The following TAFA1 variants were observed in gnomAD, a reference collection of about 807,000 sequenced individuals.
TAFA1 encodes the protein chemokine-like protein TAFA-1.
In TAFA1, 4 loss-of-function variants were observed where a neutral mutation model predicts 18.5. That is an observed-to-expected ratio of 0.22 (90% CI 0.11 to 0.49). The LOEUF (loss-of-function observed/expected upper bound fraction) is 0.49. TAFA1 is among the 20% of genes least tolerant of loss of function. The pLI is 0.98. For missense variants in TAFA1, 147 were observed against 169.0 expected (o/e 0.87, Z 0.72); for synonymous variants, 56 against 55.2 (o/e 1.01, Z -0.06).
chr3:68,392,039 G>T (rs1449134041), intron 2 of TAFA1, among the ~76,000 whole-genome samples: 1 of 152,070 alleles, frequency 6.6e-6, no homozygotes, highest in Admixed American at 6.6e-5. Context: ...TGGGTTAAAT[G>T]CCCCAATTAA....
chr3:68,023,163 A>G (rs1330052341), intron 2 of TAFA1, among the ~76,000 whole-genome samples: 1 of 152,000 alleles, frequency 6.6e-6, no homozygotes, highest in Admixed American at 6.6e-5. Context: ...TTTGTGATGG[A>G]CAGCGTTAAG....
chr3:68,417,462 T>A (rs1474677971), intron 3 of TAFA1, 42 bp downstream of exon 3: 3 of 1,585,892 alleles, frequency 1.9e-6, no homozygotes. Flanking sequence ...CACATGGCAT[T>A]CACTATACAT....
At chr3:68,387,798 G>T (rs931165011) in intron 2 of TAFA1, among the ~76,000 whole-genome samples, 25 of 152,242 alleles carry the variant, frequency 1.6e-4, no homozygotes, top group African/African-American at 5.5e-4. Context: ...CCCCTTCATG[G>T]TGGAGGAACT....
intron 2 of TAFA1, among the ~76,000 whole-genome samples, chr3:68,300,295 G>A (rs1213660899): frequency 1.3e-5 from 2 of 152,152 alleles, no homozygotes; most frequent in Non-Finnish European, 2.9e-5. Context: ...AGATCATTTG[G>A]GGACTTTAAT....
At chr3:68,162,327 TCA>T (rs2065934141) in intron 2 of TAFA1, among the ~76,000 whole-genome samples, 1 of 152,168 alleles carries the variant, frequency 6.6e-6, no homozygotes, top group Non-Finnish European at 1.5e-5. Flanking sequence ...CCACTTCAGA[TCA>T]TCAGGCATTA....
chr3:68,231,058 T>C (rs1292698622), intron 2 of TAFA1, among the ~76,000 whole-genome samples: 1 of 152,190 alleles, frequency 6.6e-6, no homozygotes, highest in East Asian at 1.9e-4. Context: ...ACAATGAAGG[T>C]TTTTATATGT....
At chr3:68,470,126 A>G (rs1386997291) in intron 3 of TAFA1, among the ~76,000 whole-genome samples, 1 of 152,080 alleles carries the variant, frequency 6.6e-6, no homozygotes, top group Non-Finnish European at 1.5e-5. Context: ...ACAAAATATG[A>G]TGGTTTCATA....
chr3:68,250,714 G>A (rs1286548819), intron 2 of TAFA1: 2 of 149,772 alleles, frequency 1.3e-5, no homozygotes, highest in Non-Finnish European at 3.0e-5. Flanking sequence ...TTTAGACAGG[G>A]ATTCCAAGAA....
At chr3:68,082,731 G>C (rs954007028) in intron 2 of TAFA1, among the ~76,000 whole-genome samples, 1 of 152,180 alleles carries the variant, frequency 6.6e-6, no homozygotes, top group African/African-American at 2.4e-5. Flanking sequence ...ACACTATATA[G>C]TGAGGGCCTT....
chr3:68,039,809 C>T (rs576458040), intron 2 of TAFA1, among the ~76,000 whole-genome samples: 60 of 152,248 alleles, frequency 3.9e-4, no homozygotes, highest in Non-Finnish European at 8.1e-4. Flanking sequence ...ACAACTGAGA[C>T]TCAGTTTTGC....
At chr3:68,395,661 A>G (rs2070367708) in intron 2 of TAFA1, among the ~76,000 whole-genome samples, 1 of 152,214 alleles carries the variant, frequency 6.6e-6, no homozygotes, top group Admixed American at 6.5e-5. Context: ...TTGCAGGGAC[A>G]TGGATGAAGC....
chr3:68,006,643 C>T lies in TAFA1; in HGVS notation c.17C>T (p.Ala6Val), dbSNP rs559103211. MAMVSAMSWVLYLWIS... is the reference protein window; with the variant it reads MAMVSVMSWVLYLWIS... ...CTTTAGAGAATGGCAATGGTCTCTG[C>T]GATGTCCTGGGTCCTGTATTTGTGG... is the stretch of plus-strand genomic sequence containing the variant. Residue 6 changes from alanine (A) to valine (V), a missense_variant, in exon 2 of 5, where the codon GCG becomes GTG. By Grantham distance (64) the Ala-to-Val change is moderately conservative. Coordinates refer to ENST00000478136, the MANE Select transcript of TAFA1 (RefSeq NM_213609.4). The T allele has an allele frequency of 3.7e-6, 6 of 1,613,230 alleles. No individual in the cohort carries two copies. The highest frequency in any genetic ancestry group is 2.2e-5 in the East Asian group (1 of 44,876).
intron 2 of TAFA1, among the ~76,000 whole-genome samples, chr3:68,060,847 A>T (rs1468285837): frequency 6.6e-6 from 1 of 152,106 alleles, no homozygotes; most frequent in Non-Finnish European, 1.5e-5. Context: ...CTGGCTTTTG[A>T]TTGCTCTTGT....
At chr3:68,217,656 C>T (rs1403294102) in intron 2 of TAFA1, among the ~76,000 whole-genome samples, 1 of 151,972 alleles carries the variant, frequency 6.6e-6, no homozygotes, top group Admixed American at 6.6e-5. Context: ...GAGGAAACTG[C>T]TGTGTGGGGA....
chr3:68,434,902 C>G (rs528943912), intron 3 of TAFA1, among the ~76,000 whole-genome samples: 1 of 152,110 alleles, frequency 6.6e-6, no homozygotes, highest in Non-Finnish European at 1.5e-5. Context: ...AATGCCAAAT[C>G]AGAAGATTCA....
intron 2 of TAFA1, among the ~76,000 whole-genome samples, chr3:68,298,342 C>G (rs756646938): frequency 9.9e-5 from 15 of 152,062 alleles, no homozygotes; most frequent in Non-Finnish European, 1.5e-4. Flanking sequence ...CTATAAATAA[C>G]CATGGACAGG....
intron 3 of TAFA1, among the ~76,000 whole-genome samples, chr3:68,508,568 T>C (rs2072799122): frequency 6.6e-6 from 1 of 152,072 alleles, no homozygotes; most frequent in Non-Finnish European, 1.5e-5. Flanking sequence ...ATTAATTCGT[T>C]CAACAAAGAT....
chr3:68,399,738 G>A (rs2070452360), intron 2 of TAFA1, among the ~76,000 whole-genome samples: 1 of 152,108 alleles, frequency 6.6e-6, no homozygotes, highest in Non-Finnish European at 1.5e-5. Context: ...TTATTATTCA[G>A]TCCTCATATC....
At chr3:68,218,162 G>A (rs2066683054) in intron 2 of TAFA1, among the ~76,000 whole-genome samples, 1 of 151,934 alleles carries the variant, frequency 6.6e-6, no homozygotes, top group Non-Finnish European at 1.5e-5. Context: ...AGCCTCTCAG[G>A]TCACAGTTAC....
Sources: allele counts gnomAD v4.1 joint callset (sites outside exome capture counted in the v4.1 genomes callset), GRCh38; gene constraint gnomAD v4.1.1; transcripts MANE v1.5; gene names NCBI Gene and HGNC (gene_info 2026-07-23, HGNC 2026-07-21).